Variants in GGT6 observed in about 807,000 individuals in gnomAD.
GGT6 encodes glutathione hydrolase 6.
Under a neutral mutation model 17.0 loss-of-function variants are expected in GGT6, and 13 were observed. The ratio of observed to expected loss-of-function variants is 0.77; its 90% CI spans 0.50 to 1.22. GGT6 has a LOEUF of 1.22. Ranked by LOEUF, GGT6 falls within the 50% of genes most tolerant of loss-of-function variation. The pLI is 0.00. For synonymous variants in GGT6, 305 were observed against 297.9 expected (o/e 1.02, Z -0.25); for missense variants, 628 against 643.7 (o/e 0.98, Z 0.26).
Position 4,558,430 on chromosome 17 carries a change from A to C in GGT6, c.1085T>G (p.Val362Gly). The C allele has an allele frequency of 1.9e-6, 3 of 1,606,310 alleles. No individual in the cohort carries two copies. The highest frequency in any genetic ancestry group is 2.5e-6 in the Non-Finnish European group (3 of 1,179,968). The change falls in exon 4 of 4, where the codon GTG (valine) becomes GGG (glycine). Residue 362 changes from valine to glycine, a missense_variant. Val to Gly is a moderately radical substitution (Grantham distance 109). Transcript: ENST00000381550. ...AAGGAGCACAGAGCCGCTGCTGTCC[A>C]CGGCGGCCAGGGCACTGCTCTCGGG... ...VSPESSALAA[V>G]DSSGSVLLLT...
Position 4,558,115 on chromosome 17 carries a change from C to T in GGT6, c.1400G>A (p.Ser467Asn). ...QGQQEPTEHP[S>N]TCGQGTLLQV... is the part of the protein sequence containing the mutation. ...GAGCAGGGTCCCTTGGCCACAAGTG[C>T]TGGGATGCTCTGTTGGTTCTTGCTG... The change falls in exon 4 of 4, where the codon AGC becomes AAC. Residue 467 changes from serine (S) to asparagine (N), a missense_variant. Ser to Asn is a conservative substitution (Grantham distance 46). Coordinates refer to ENST00000381550, the MANE Select transcript of GGT6 (RefSeq NM_001288702.2). The T allele has an allele frequency of 6.2e-7, 1 of 1,612,464 alleles. No individual in the cohort carries two copies. The highest frequency in any genetic ancestry group is 8.5e-7 in the Non-Finnish European group (1 of 1,179,078).
rs1299651288 is a variant in GGT6 at position 4,558,945 on chromosome 17, G to A, written c.570C>T (p.Pro190=). The A allele has an allele frequency of 6.5e-7, 1 of 1,549,576 alleles. No homozygotes were observed. Among genetic ancestry groups the A allele is most frequent in the South Asian group, 1.2e-5 (1 of 84,028 alleles). Residue 190 remains proline, a synonymous_variant, in exon 4 of 4, where the codon CCC becomes CCT. Transcript: ENST00000381550. The part of the protein sequence containing the change: ...APGLGLPAAL[P]TLHLLHARFG... ...AGCGTGCATGCAGCAGGTGCAGGGTGGGCAGAGCCGCGGGCAGCCCCAGGC... is the reference window on the plus strand; with the variant it reads ...AGCGTGCATGCAGCAGGTGCAGGGTAGGCAGAGCCGCGGGCAGCCCCAGGC...
Position 4,558,440 on chromosome 17 carries a change from G to T in GGT6, c.1075C>A (p.Leu359Met). ...GAGCCGCTGCTGTCCACGGCGGCCA[G>T]GGCACTGCTCTCGGGGCTCACAGCA... ...QTAVSPESSALAAVDSSGSVL... is the reference protein window; with the variant it reads ...QTAVSPESSAMAAVDSSGSVL... Residue 359 changes from leucine to methionine, a missense_variant, in exon 4 of 4, where the codon CTG becomes ATG. Transcript: ENST00000381550. 6.2e-7 allele frequency: 1 copy of T among 1,607,154 alleles called. No homozygotes were observed.
At chr17:4,559,175 G>A in intron 3 of GGT6, 118 bp from the exon 4 acceptor site, 1 of 1,366,114 alleles carries the variant, frequency 7.3e-7, no homozygotes, top group Non-Finnish European at 1.0e-6. Flanking sequence ...TGAGGTCAAA[G>A]TTCCACAGAC....
chr17:4,559,159 C>G lies in GGT6; in HGVS notation c.458-102G>C. On this transcript the variant is annotated intron_variant, in intron 3 of 3. Coordinates refer to ENST00000381550, the MANE Select transcript of GGT6 (RefSeq NM_001288702.2). ...GAGCCTGGGATCAGGAGTTACTGAC[C>G]AGGCCTGAGGTCAAAGTTCCACAGA... is the stretch of plus-strand genomic sequence containing the variant. 2.1e-6 allele frequency: 3 copies of G among 1,447,234 alleles called. No homozygotes were observed. In the South Asian group the frequency reaches 3.8e-5, roughly 18 times the overall value. The allele number at this position is 1,447,234 out of a possible 1,614,324, so 89.6% of individuals were successfully genotyped here.
chr17:4,559,644 C>G lies in GGT6; in HGVS notation c.257G>C (p.Gly86Ala), dbSNP rs1355369592. The G allele has an allele frequency of 1.2e-6, 2 of 1,613,588 alleles. No individual in the cohort carries two copies. Among genetic ancestry groups the G allele is most frequent in the African/African-American group, 2.7e-5 (2 of 75,046 alleles). The change falls in exon 2 of 4, where the codon GGA becomes GCA. Residue 86 changes from glycine to alanine, a missense_variant. Gly to Ala is a moderately conservative substitution (Grantham distance 60, BLOSUM62 0). Coordinates refer to ENST00000381550, the MANE Select transcript of GGT6 (RefSeq NM_001288702.2). ...RQLQNQGRST[G>A]SLGSVAPPPG... is the part of the protein sequence containing the mutation. ...TGGAGGGGCCACAGAGCCCAAGCTT[C>G]CTGTCGACCTGCCCTGATTCTGGAG...
downstream of GGT6, among the ~76,000 whole-genome samples, chr17:4,556,362 CG>C (rs926756943): frequency 2.0e-5 from 3 of 151,270 alleles, no homozygotes; most frequent in African/African-American, 7.3e-5. Context: ...AGTTAGATGT[CG>C]GGGGAGAGGA....
chr17:4,559,072 G>C lies in GGT6; in HGVS notation c.458-15C>G, dbSNP rs568959422. 1.3e-6 allele frequency: 2 copies of C among 1,539,620 alleles called. No individual in the cohort carries two copies. The highest frequency in any genetic ancestry group is 1.7e-6 in the Non-Finnish European group (2 of 1,146,840). On this transcript the variant is annotated splice_polypyrimidine_tract_variant and intron_variant, in intron 3 of 3. Transcript: ENST00000381550. ...AAACATGGCACCTGCAGGAGACAGA[G>C]GGGTCCCTCAGCAGCCGCAGGTCAA...
In GGT6 at chr17:4,558,966, C is replaced by G. The variant is rs1345289937; in HGVS notation, c.549G>C (p.Leu183=). 6.5e-7 allele frequency: 1 copy of G among 1,544,562 alleles called. No homozygotes were observed. Among genetic ancestry groups the G allele is most frequent in the South Asian group, 1.2e-5 (1 of 83,696 alleles). The change falls in exon 4 of 4, where the codon CTG becomes CTC. Residue 183 remains leucine, a synonymous_variant. Transcript: ENST00000381550. ...GGGTGGGCAGAGCCGCGGGCAGCCCCAGGCCGGGGGCCAGGGTCTGTGCTG... is the reference window on the plus strand; with the variant it reads ...GGGTGGGCAGAGCCGCGGGCAGCCCGAGGCCGGGGGCCAGGGTCTGTGCTG... ...SGPAQTLAPG[L]GLPAALPTLH...
chr17:4,557,819 T>G lies in GGT6; in HGVS notation c.*196A>C, dbSNP rs964901463. 3.9e-6 allele frequency: 2 copies of G among 509,882 alleles called. No individual in the cohort carries two copies. Among genetic ancestry groups the G allele is most frequent in the Non-Finnish European group, 6.9e-6 (2 of 291,000 alleles). 31.6% of individuals were successfully genotyped at this position (509,882 alleles called of 1,614,324 possible). A position where few individuals can be genotyped will look rare whatever the true frequency, so the allele number is the denominator to read the frequency against. ...TTTTAAATTTTTAGTACAGATGAGA[T>G]CTTGCTTTGTTGTCTAGGCTAGTTT... is the stretch of plus-strand genomic sequence containing the variant. On this transcript the variant is annotated 3_prime_UTR_variant, in exon 4 of 4. Transcript: ENST00000381550.
chr17:4,558,008 CATCCTG>C lies in GGT6; in HGVS notation c.*1_*6del, dbSNP rs760844063. On this transcript the variant is annotated 3_prime_UTR_variant, in exon 4 of 4. Transcript: ENST00000381550. ...CTCTGCCTTCTGCCAGACCCACCCC[CATCCTG>C]TTAGAACCCCTGGAAGGGGCAGCAG... 302 of 1,512,492 alleles carry C rather than the reference CATCCTG, an allele frequency of 2.0e-4. No individual in the cohort carries two copies. Among genetic ancestry groups the C allele is most frequent in the Non-Finnish European group, 2.7e-5 (31 of 1,129,970 alleles). The allele number at this position is 1,512,492 out of a possible 1,614,324, so 93.7% of individuals were successfully genotyped here.
In GGT6 at chr17:4,559,070, G is replaced by A. The variant is rs750516658; in HGVS notation, c.458-13C>T. ...CAAAACATGGCACCTGCAGGAGACA[G>A]AGGGGTCCCTCAGCAGCCGCAGGTC... On this transcript the variant is annotated splice_polypyrimidine_tract_variant and intron_variant, in intron 3 of 3. Transcript: ENST00000381550. The A allele has an allele frequency of 5.0e-5, 77 of 1,539,666 alleles. 2 individuals carry two copies. Among genetic ancestry groups the A allele is most frequent in the East Asian group, 3.7e-4 (15 of 40,926 alleles).
Position 4,559,751 on chromosome 17 carries a change from A to G in GGT6, c.150T>C (p.Ala50=), listed in dbSNP as rs763875416. ...RRHQDSSRNK[A]GGLPGTWARV... Reference sequence around the variant, plus strand: ...GGGCCCAGGTTCCGGGCAGCCCGCCAGCCTTGTTCCTGCAGAGGGGGGGTG... The same window carrying G: ...GGGCCCAGGTTCCGGGCAGCCCGCCGGCCTTGTTCCTGCAGAGGGGGGGTG... Residue 50 remains alanine (A), a synonymous_variant, in exon 2 of 4, where the codon GCT becomes GCC. Coordinates refer to ENST00000381550, the MANE Select transcript of GGT6 (RefSeq NM_001288702.2). The G allele has an allele frequency of 6.2e-7, 1 of 1,611,172 alleles. No individual in the cohort carries two copies. Among genetic ancestry groups the G allele is most frequent in the South Asian group, 1.1e-5 (1 of 91,020 alleles).
Position 4,557,696 on chromosome 17 carries a change from G to T in GGT6, c.*319C>A. On this transcript the variant is annotated 3_prime_UTR_variant, in exon 4 of 4. Transcript: ENST00000381550. ...GCTGGAGTGCAGTGGTGTGATCCTA[G>T]CTCTCTGCAGCCTTGAACTCCTGAG... The T allele has an allele frequency of 4.0e-6, 1 of 247,172 alleles. No individual in the cohort carries two copies. Among genetic ancestry groups the T allele is most frequent in the Non-Finnish European group, 7.8e-6 (1 of 127,480 alleles). The allele number at this position is 247,172 out of a possible 1,614,324, so 15.3% of individuals were successfully genotyped here. A position where few individuals can be genotyped will look rare whatever the true frequency, so the allele number is the denominator to read the frequency against.
chr17:4,558,040 G>C lies in GGT6; in HGVS notation c.1475C>G (p.Ala492Gly). The C allele has an allele frequency of 6.4e-7, 1 of 1,557,468 alleles. No homozygotes were observed. The highest frequency in any genetic ancestry group is 8.7e-7 in the Non-Finnish European group (1 of 1,150,766). The part of the protein sequence containing the change: ...EHAHVSSVPH[A>G]CCPFQGF Reference sequence around the variant, plus strand: ...TTAGAACCCCTGGAAGGGGCAGCAGGCATGGGGGACACTGGAGACATGGGC... The same window carrying C: ...TTAGAACCCCTGGAAGGGGCAGCAGCCATGGGGGACACTGGAGACATGGGC... The change falls in exon 4 of 4, where the codon GCC becomes GGC. Residue 492 changes from alanine (A) to glycine (G), a missense_variant. Coordinates refer to ENST00000381550, the MANE Select transcript of GGT6 (RefSeq NM_001288702.2).
downstream of GGT6, among the ~76,000 whole-genome samples, chr17:4,556,362 C>T (rs1045210905): frequency 2.6e-5 from 4 of 151,270 alleles, no homozygotes; most frequent in African/African-American, 7.3e-5. Context: ...AGTTAGATGT[C>T]GGGGGAGAGG....
rs757340330 is a variant in GGT6 at position 4,558,923 on chromosome 17, G to A, written c.592C>T (p.Arg198Cys). The A allele has an allele frequency of 8.9e-5, 138 of 1,549,382 alleles. 2 individuals carry two copies. Among genetic ancestry groups the A allele is most frequent in the South Asian group, 1.2e-4 (10 of 83,992 alleles). ...CGTGGCCAGGGCAGGCGGCCGAAGC[G>A]TGCATGCAGCAGGTGCAGGGTGGGC... ...ALPTLHLLHA[R>C]FGRLPWPRLL... Residue 198 changes from arginine (R) to cysteine (C), a missense_variant, in exon 4 of 4, where the codon CGC becomes TGC. By Grantham distance (180) the Arg-to-Cys change is radical (BLOSUM62 -3). Coordinates refer to ENST00000381550, the MANE Select transcript of GGT6 (RefSeq NM_001288702.2).
chr17:4,559,585 GGT>G lies in GGT6; in HGVS notation c.314_315del (p.Tyr105SerfsTer58). On this transcript the variant is annotated frameshift_variant, in exon 2 of 4. Coordinates refer to ENST00000381550, the MANE Select transcript of GGT6 (RefSeq NM_001288702.2). LOFTEE classifies it high-confidence loss of function. ...PGGHSHGPGV[Y>X]HHGAIISPAA... ...GCAGGGCTGATGATGGCACCGTGGTGGTATACGCCAGGGCCGTGGGAGTGTCC... is the reference window on the plus strand; with the variant it reads ...GCAGGGCTGATGATGGCACCGTGGTGATACGCCAGGGCCGTGGGAGTGTCC... The G allele has an allele frequency of 1.9e-6, 3 of 1,613,812 alleles. No individual in the cohort carries two copies. The highest frequency in any genetic ancestry group is 2.5e-6 in the Non-Finnish European group (3 of 1,180,000).
At chr17:4,560,290 G>T (rs1451260277) in intron 1 of GGT6, 92 bp downstream of exon 1, 1 of 1,434,912 alleles carries the variant, frequency 7.0e-7, no homozygotes, top group Non-Finnish European at 9.7e-7. Flanking sequence ...ACCCAGCGGG[G>T]AGTCGCCTGG....
Sources: gnomAD v4.1 joint callset for allele counts (sites outside exome capture counted in the v4.1 genomes callset) on GRCh38, gnomAD v4.1.1 for gene constraint, MANE v1.5 for transcripts, NCBI Gene and HGNC (gene_info 2026-07-23, HGNC 2026-07-21) for gene names.